Variants in SH2D4A observed in about 807,000 individuals in gnomAD.
SH2D4A encodes SH2 domain-containing protein 4A.
SH2D4A carries 70 observed loss-of-function variants against 64.7 expected under a neutral mutation model. That is an observed-to-expected ratio of 1.08 (90% confidence interval 0.89 to 1.32). The LOEUF (loss-of-function observed/expected upper bound fraction) is 1.32, where lower values mean the gene tolerates loss of function less well. Among genes scored for constraint, SH2D4A ranks in the 40% most tolerant of loss-of-function variants. SH2D4A has a pLI of 0.00. For synonymous variants in SH2D4A, 268 were observed against 200.7 expected (o/e 1.34, Z -2.83); for missense variants, 706 against 540.1 (o/e 1.31, Z -3.04).
intron 5 of SH2D4A, 25 bp downstream of exon 5, chr8:19,357,308 C>G (rs114323305): frequency 6.5e-7 from 1 of 1,531,980 alleles, no homozygotes; most frequent in Non-Finnish European, 9.0e-7. Context: ...TTCTGTCCTC[C>G]GGGGGCTGCA....
intron 2 of SH2D4A, among the ~76,000 whole-genome samples, chr8:19,326,767 G>T (rs987813735): frequency 6.6e-6 from 1 of 152,078 alleles, no homozygotes; most frequent in Non-Finnish European, 1.5e-5. Context: ...ATCCAGTGGG[G>T]GTGGAGACCA....
chr8:19,313,766 G>T lies in SH2D4A; in HGVS notation c.-262G>T. The stretch of plus-strand genomic sequence containing the variant: ...TCCCTCCCTTCCCCGACGGCTTCTG[G>T]CGGCCAAGTGGATGTGGCGGGTGAT... On this transcript the variant is annotated 5_prime_UTR_variant, in exon 1 of 10. Coordinates refer to ENST00000265807, the MANE Select transcript of SH2D4A (RefSeq NM_022071.4). 6.6e-7 allele frequency: 1 copy of T among 1,510,434 alleles called. No homozygotes were observed. Among genetic ancestry groups the T allele is most frequent in the Non-Finnish European group, 8.8e-7 (1 of 1,135,006 alleles). The allele number at this position is 1,510,434 out of a possible 1,614,324, so 93.6% of individuals were successfully genotyped here. A position where few individuals can be genotyped will look rare whatever the true frequency, so the allele number is the denominator to read the frequency against.
In SH2D4A at chr8:19,391,016, C is replaced by T. The variant is rs180868067; in HGVS notation, c.1049-2302C>T. 2.7e-4 allele frequency among the ~76,000 whole-genome samples: 41 copies of T among 152,230 alleles called. 1 individual carries two copies. In the East Asian group the frequency reaches 3.7e-3, roughly 14 times the overall value. ...AACAGCCTGGAATTTCATAGTGAGC[C>T]GTCAGCCTAGGAGGAGGGAGAGATC... On this transcript the variant is annotated intron_variant, in intron 8 of 9. Coordinates refer to ENST00000265807, the MANE Select transcript of SH2D4A (RefSeq NM_022071.4).
rs139013899 is a variant in SH2D4A, at chr8:19,388,261, G to C, written c.1049-5057G>C. Among the ~76,000 whole-genome samples, 1,165 of 152,340 alleles carry C rather than the reference G, an allele frequency of 7.6e-3. 6 individuals carry two copies. The highest frequency in any genetic ancestry group is 0.011 in the Non-Finnish European group (746 of 68,032). On this transcript the variant is annotated intron_variant, in intron 8 of 9. Transcript: ENST00000265807. ...GCTAATCCTGCAAGCTTGGGCACTT[G>C]CCTTTTCTGCGTTAGTTTCCTCATC...
Position 19,389,132 on chromosome 8 carries a change from G to A in SH2D4A, c.1049-4186G>A, listed in dbSNP as rs2053440307. Among the ~76,000 whole-genome samples, 4 of 152,326 alleles carry A rather than the reference G, an allele frequency of 2.6e-5. No individual in the cohort carries two copies. The South Asian group carries it at 8.3e-4, about 32-fold the overall frequency. ...ATGTTCTGGAGTTGAATCTTGCAGA[G>A]TGAGTAGGAGTTTTCCAGGAGGAAG... On this transcript the variant is annotated intron_variant, in intron 8 of 9. Transcript: ENST00000265807.
chr8:19,342,985 T>C (rs4360306), intron 4 of SH2D4A, among the ~76,000 whole-genome samples: 3 of 152,134 alleles, frequency 2.0e-5, no homozygotes, highest in Non-Finnish European at 4.4e-5. Context: ...AGCACGCTGC[T>C]TCCGTCTCTG....
chr8:19,371,511 C>A (rs546925765), intron 7 of SH2D4A, among the ~76,000 whole-genome samples: 1 of 152,208 alleles, frequency 6.6e-6, no homozygotes, highest in African/African-American at 2.4e-5. Flanking sequence ...TTTGTCTCTG[C>A]ACTCTGAGGG....
chr8:19,388,920 A>G (rs544940638), intron 8 of SH2D4A, among the ~76,000 whole-genome samples: 1 of 152,326 alleles, frequency 6.6e-6, no homozygotes, highest in East Asian at 1.9e-4. Flanking sequence ...CAGTCATGGC[A>G]GAAGGTTCTG....
At chr8:19,341,279 C>T (rs1207781383) in intron 4 of SH2D4A, among the ~76,000 whole-genome samples, 2 of 152,166 alleles carry the variant, frequency 1.3e-5, no homozygotes, top group African/African-American at 4.8e-5. Flanking sequence ...TTCTGAATTT[C>T]CGCTACAGTT....
chr8:19,370,963 C>A (rs1042941818), intron 7 of SH2D4A, among the ~76,000 whole-genome samples: 5 of 152,096 alleles, frequency 3.3e-5, no homozygotes, highest in African/African-American at 1.2e-4. Flanking sequence ...TAGAGACTTA[C>A]AAACTTTGTG....
At chr8:19,323,298 T>C (rs1585144724) in intron 2 of SH2D4A, among the ~76,000 whole-genome samples, 1 of 152,194 alleles carries the variant, frequency 6.6e-6, no homozygotes, top group East Asian at 1.9e-4. Flanking sequence ...ACATTAATAA[T>C]TGTATATTCC....
intron 6 of SH2D4A, 66 bp downstream of exon 6, chr8:19,361,380 G>C (rs1200750121): frequency 5.4e-6 from 8 of 1,483,392 alleles, no homozygotes; most frequent in Non-Finnish European, 7.2e-6. Context: ...TTAATAATGT[G>C]ATCAATCTAG....
chr8:19,349,823 C>T (rs1402472914), intron 4 of SH2D4A, among the ~76,000 whole-genome samples: 1 of 152,226 alleles, frequency 6.6e-6, no homozygotes, highest in East Asian at 1.9e-4. Flanking sequence ...CCTGCCTCAG[C>T]CTCCTGAGTA....
At chr8:19,361,355 A>T (rs199523671) in intron 6 of SH2D4A, 41 bp downstream of exon 6, 24 of 1,551,396 alleles carry the variant, frequency 1.5e-5, no homozygotes, top group East Asian at 6.8e-5. Flanking sequence ...CCAGGCTCTC[A>T]GCTGATTCTC....
At chr8:19,321,742 T>C (rs2052195448) in intron 2 of SH2D4A, among the ~76,000 whole-genome samples, 1 of 152,194 alleles carries the variant, frequency 6.6e-6, no homozygotes, top group South Asian at 2.1e-4. Context: ...CTGGGCACCA[T>C]GTTCACTGTG....
intron 8 of SH2D4A, among the ~76,000 whole-genome samples, chr8:19,376,327 A>T (rs2053194863): frequency 6.6e-6 from 1 of 152,086 alleles, no homozygotes; most frequent in Non-Finnish European, 1.5e-5. Context: ...CCTCCCATTT[A>T]AATCTCATCC....
chr8:19,381,145 G>C (rs891674909), intron 8 of SH2D4A, among the ~76,000 whole-genome samples: 1 of 151,698 alleles, frequency 6.6e-6, no homozygotes, highest in African/African-American at 2.4e-5. Context: ...CACCTCTCAA[G>C]TTCGATCAAT....
At chr8:19,337,554 T>C (rs1257656384) in intron 4 of SH2D4A, among the ~76,000 whole-genome samples, 1 of 151,310 alleles carries the variant, frequency 6.6e-6, no homozygotes, top group Non-Finnish European at 1.5e-5. Flanking sequence ...TGAGAGAGAG[T>C]GTACTAGTCT....
chr8:19,335,125 T>C (rs1234076506), intron 4 of SH2D4A, among the ~76,000 whole-genome samples: 1 of 149,956 alleles, frequency 6.7e-6, no homozygotes, highest in Non-Finnish European at 1.5e-5. Context: ...CTACTAAAAA[T>C]ACAAAAAAAA....
Sources: allele counts gnomAD v4.1 joint callset (sites outside exome capture counted in the v4.1 genomes callset), GRCh38; gene constraint gnomAD v4.1.1; transcripts MANE v1.5; gene names NCBI Gene and HGNC (gene_info 2026-07-23, HGNC 2026-07-21).